The following ZNF469 variants were observed in gnomAD, a reference collection of about 807,000 sequenced individuals.
ZNF469 encodes zinc finger protein 469.
Under a neutral mutation model 1.0 loss-of-function variants are expected in ZNF469, and 1 was observed. The observed-to-expected ratio is 1.00, with a 90% CI of 0.35 to 4.73. The LOEUF (loss-of-function observed/expected upper bound fraction) is 4.73. ZNF469 is among the 30% of genes most tolerant of loss of function. The pLI is 0.16. For missense variants in ZNF469, 6,100 were observed against 5,356.3 expected, an observed-to-expected ratio of 1.14 and a Z score of -4.33; for synonymous variants, 2,703 against 2,363.4, an observed-to-expected ratio of 1.14 and a Z score of -4.17.
the ZNF469 span, among the ~76,000 whole-genome samples, chr16:88,280,948 T>C: frequency 3.3e-5 from 5 of 152,022 alleles, no homozygotes; most frequent in Non-Finnish European, 7.4e-5. Flanking sequence ...GCTTGGTCAG[T>C]ACCATGCATT....
At chr16:88,408,144 T>A (rs1171729896) in intron 1 of ZNF469, among the ~76,000 whole-genome samples, 4 of 152,236 alleles carry the variant, frequency 2.6e-5, no homozygotes, top group African/African-American at 9.6e-5. Flanking sequence ...CTTAGTACTT[T>A]TTTTTGTTTT....
chr16:88,359,931 C>G, the ZNF469 span, among the ~76,000 whole-genome samples: 2 of 152,200 alleles, frequency 1.3e-5, no homozygotes, highest in African/African-American at 4.8e-5. Flanking sequence ...AAGTAAGTTG[C>G]AGACATTAAT....
At chr16:88,419,421 C>G (rs960013358) in intron 1 of ZNF469, among the ~76,000 whole-genome samples, 54 of 152,232 alleles carry the variant, frequency 3.5e-4, no homozygotes, top group African/African-American at 1.3e-3. Context: ...GCTCCCCAGA[C>G]TTGCCATGTG....
chr16:88,438,830 A>C lies in ZNF469; in HGVS notation c.11360A>C (p.Lys3787Thr), dbSNP rs762988622. 6.5e-6 allele frequency: 10 copies of C among 1,550,276 alleles called. No individual in the cohort carries two copies. The highest frequency in any genetic ancestry group is 8.7e-6 in the Non-Finnish European group (10 of 1,146,976). Residue 3787 changes from lysine to threonine, a missense_variant, in exon 3 of 3, where the codon AAG becomes ACG. Coordinates refer to ENST00000565624, the MANE Select transcript of ZNF469 (RefSeq NM_001367624.2). ...PERLPARAQAKSCTKGPREAG... is the reference protein window; with the variant it reads ...PERLPARAQATSCTKGPREAG... ...AGGCTCCCCGCTCGAGCCCAAGCCA[A>C]GAGCTGCACCAAGGGGCCAAGGGAA...
chr16:88,373,587 G>C, the ZNF469 span, among the ~76,000 whole-genome samples: 9 of 152,310 alleles, frequency 5.9e-5, no homozygotes, highest in African/African-American at 2.2e-4. Context: ...CCACCCTCAA[G>C]AGGCTTTCTG....
At chr16:88,412,955 G>A (rs549148671) in intron 1 of ZNF469, among the ~76,000 whole-genome samples, 14 of 151,996 alleles carry the variant, frequency 9.2e-5, no homozygotes, top group South Asian at 2.1e-4. Context: ...AGCAGTGGCC[G>A]CTTATCCAAC....
the ZNF469 span, among the ~76,000 whole-genome samples, chr16:88,341,716 T>C: frequency 0.94 from 143,566 of 152,204 alleles, 67,901 homozygotes; most frequent in Non-Finnish European, 0.96. Context: ...CTGAGGCAGG[T>C]GGTGCAGCGT....
At chr16:88,198,689 A>C in the ZNF469 span, among the ~76,000 whole-genome samples, 1 of 152,026 alleles carries the variant, frequency 6.6e-6, no homozygotes, top group East Asian at 1.9e-4. Flanking sequence ...GGCGAGCAGA[A>C]TGGGTTTTTA....
the ZNF469 span, among the ~76,000 whole-genome samples, chr16:88,250,172 A>G: frequency 6.6e-6 from 1 of 152,232 alleles, no homozygotes; most frequent in Non-Finnish European, 1.5e-5. Flanking sequence ...GAACAAGACC[A>G]ACACCCCAGA....
chr16:88,380,555 ACTCACACACAGACGCC>A (rs1567495487), upstream of ZNF469, among the ~76,000 whole-genome samples: 145 of 137,930 alleles, frequency 1.1e-3, no homozygotes, highest in Middle Eastern at 3.9e-3. Flanking sequence ...ACAGACATGC[ACTCACACACAGACGCC>A]CTCACACAGA....
At chr16:88,407,050 T>C (rs1219415483) in intron 1 of ZNF469, among the ~76,000 whole-genome samples, 1 of 152,222 alleles carries the variant, frequency 6.6e-6, no homozygotes, top group Non-Finnish European at 1.5e-5. Flanking sequence ...AGTGCTTATC[T>C]GAGAAGCCTG....
the ZNF469 span, among the ~76,000 whole-genome samples, chr16:88,242,237 G>A: frequency 4.6e-5 from 7 of 152,186 alleles, no homozygotes; most frequent in Non-Finnish European, 1.0e-4. Context: ...TCTCATCAGC[G>A]GCTTCTCATC....
the ZNF469 span, among the ~76,000 whole-genome samples, chr16:88,145,315 C>G: frequency 3.9e-5 from 6 of 152,288 alleles, no homozygotes; most frequent in East Asian, 1.2e-3. Flanking sequence ...ATGCATGCCA[C>G]CTGGGGCTGG....
chr16:88,157,742 AG>A, the ZNF469 span, among the ~76,000 whole-genome samples: 2 of 152,114 alleles, frequency 1.3e-5, no homozygotes, highest in Non-Finnish European at 2.9e-5. Context: ...GCCTTCCCTC[AG>A]CCCCCATCCC....
chr16:88,109,789 G>A, the ZNF469 span, among the ~76,000 whole-genome samples: 1 of 151,964 alleles, frequency 6.6e-6, no homozygotes, highest in Non-Finnish European at 1.5e-5. Flanking sequence ...CTGTGCGTCT[G>A]TGTCCACGCT....
the ZNF469 span, among the ~76,000 whole-genome samples, chr16:88,348,289 T>G: frequency 6.6e-6 from 1 of 152,222 alleles, no homozygotes; most frequent in Non-Finnish European, 1.5e-5. Flanking sequence ...CTGCTGTCCC[T>G]GCCTCTGGCT....
At chr16:88,153,211 T>C in the ZNF469 span, among the ~76,000 whole-genome samples, 1 of 152,202 alleles carries the variant, frequency 6.6e-6, no homozygotes, top group Non-Finnish European at 1.5e-5. Flanking sequence ...GGTGGGGGGC[T>C]GAATGGCTGC....
At chr16:88,293,627 C>T in the ZNF469 span, among the ~76,000 whole-genome samples, 1 of 152,156 alleles carries the variant, frequency 6.6e-6, no homozygotes, top group Non-Finnish European at 1.5e-5. Flanking sequence ...CTGTACTGGC[C>T]ATTTCTTCTT....
the ZNF469 span, among the ~76,000 whole-genome samples, chr16:88,211,782 G>A: frequency 6.6e-6 from 1 of 152,106 alleles, no homozygotes; most frequent in Non-Finnish European, 1.5e-5. Flanking sequence ...GTTCAAGCCG[G>A]TATGCTTGTG....
Sources: allele counts gnomAD v4.1 joint callset (sites outside exome capture counted in the v4.1 genomes callset), GRCh38; gene constraint gnomAD v4.1.1; transcripts MANE v1.5; gene names NCBI Gene and HGNC (gene_info 2026-07-23, HGNC 2026-07-21).